Variants in BTG4 observed in about 807,000 individuals in gnomAD.
The protein encoded by BTG4 is protein BTG4.
In BTG4, 10 loss-of-function variants were observed where a neutral mutation model predicts 19.3. That is an observed-to-expected ratio of 0.52 (90% CI 0.32 to 0.88). The LOEUF is 0.88. Ranked by LOEUF, BTG4 falls within the 40% of genes least tolerant of loss-of-function variation. The probability of loss-of-function intolerance (pLI) is 0.04; values close to 1 mark genes in which losing one functional copy is unlikely to be tolerated. For missense variants in BTG4, 238 were observed against 281.9 expected (o/e 0.84, Z 1.11); for synonymous variants, 91 against 95.7 (o/e 0.95, Z 0.29).
At chr11:111,413,037 G>A in the BTG4 span, among the ~76,000 whole-genome samples, 4 of 152,208 alleles carry the variant, frequency 2.6e-5, no homozygotes, top group African/African-American at 9.7e-5. Flanking sequence ...GGCAGAGTCG[G>A]AGAGAAGTGC....
the BTG4 span, chr11:111,449,194 T>G: frequency 6.6e-6 from 1 of 152,132 alleles, no homozygotes. Flanking sequence ...TGTTTATTGC[T>G]CATTTCCCCG....
chr11:111,400,877 A>T, the BTG4 span: 1 of 152,072 alleles, frequency 6.6e-6, no homozygotes, highest in Non-Finnish European at 1.5e-5. Context: ...CCCCAGAATA[A>T]CCATAAGACA....
At chr11:111,509,436 T>C (rs1198210833) in intron 1 of BTG4, among the ~76,000 whole-genome samples, 2 of 152,106 alleles carry the variant, frequency 1.3e-5, no homozygotes, top group Non-Finnish European at 2.9e-5. Flanking sequence ...ACTCCTGTAA[T>C]GCTAGCACTG....
the BTG4 span, among the ~76,000 whole-genome samples, chr11:111,453,880 T>C: frequency 3.3e-5 from 5 of 152,238 alleles, no homozygotes; most frequent in African/African-American, 1.2e-4. Context: ...GAGGAGCAAG[T>C]TGCAGAAGGT....
intron 1 of BTG4, among the ~76,000 whole-genome samples, chr11:111,507,073 T>TA (rs546980206): frequency 2.7e-3 from 388 of 144,298 alleles, no homozygotes; most frequent in African/African-American, 8.6e-3. Flanking sequence ...TTTCCCACTT[T>TA]AAAAAAAAAA....
At chr11:111,442,545 C>CACACACA in the BTG4 span, among the ~76,000 whole-genome samples, 3 of 146,288 alleles carry the variant, frequency 2.1e-5, no homozygotes, top group Admixed American at 6.8e-5. Context: ...CACACACACA[C>CACACACA]CAGATGAGCC....
chr11:111,496,674 AT>A (rs1865751514), intron 4 of BTG4: 1 of 152,620 alleles, frequency 6.6e-6, no homozygotes, highest in Non-Finnish European at 1.5e-5. Context: ...AATGAATTTA[AT>A]TGGAAGTATT....
At chr11:111,428,329 G>C in the BTG4 span, among the ~76,000 whole-genome samples, 1 of 151,512 alleles carries the variant, frequency 6.6e-6, no homozygotes, top group African/African-American at 2.4e-5. Flanking sequence ...ACGTCACAAA[G>C]AAAAGTCCCC....
At chr11:111,434,690 G>A in the BTG4 span, among the ~76,000 whole-genome samples, 2 of 150,342 alleles carry the variant, frequency 1.3e-5, no homozygotes, top group African/African-American at 2.5e-5. Context: ...ACAATAAATA[G>A]TATAATAATT....
intron 5 of BTG4, among the ~76,000 whole-genome samples, chr11:111,474,786 T>G (rs1864301204): frequency 6.6e-6 from 1 of 152,310 alleles, no homozygotes; most frequent in Non-Finnish European, 1.5e-5. Flanking sequence ...CTGGTTGCTT[T>G]CCATTTCTAT....
chr11:111,435,424 C>A, the BTG4 span, among the ~76,000 whole-genome samples: 3 of 152,178 alleles, frequency 2.0e-5, no homozygotes, highest in Non-Finnish European at 2.9e-5. Flanking sequence ...CTGCACCCTG[C>A]CCTGGGGAGG....
At chr11:111,502,926 C>T (rs1866195428) in intron 1 of BTG4, among the ~76,000 whole-genome samples, 3 of 152,174 alleles carry the variant, frequency 2.0e-5, no homozygotes, top group Non-Finnish European at 1.5e-5. Flanking sequence ...GGTTTCCTTC[C>T]GTTACTTGTT....
chr11:111,411,536 C>T, the BTG4 span, among the ~76,000 whole-genome samples: 3 of 152,300 alleles, frequency 2.0e-5, no homozygotes, highest in East Asian at 1.9e-4. Flanking sequence ...CCTTAACGTG[C>T]TTTCTTTTCC....
the BTG4 span, among the ~76,000 whole-genome samples, chr11:111,450,150 G>A: frequency 3.9e-5 from 6 of 152,160 alleles, no homozygotes; most frequent in East Asian, 1.9e-4. Flanking sequence ...TGTCCAAGAG[G>A]TCATGACTCC....
chr11:111,411,317 C>T, the BTG4 span, among the ~76,000 whole-genome samples: 2 of 152,128 alleles, frequency 1.3e-5, no homozygotes, highest in Non-Finnish European at 2.9e-5. Flanking sequence ...GGCACACTGA[C>T]CCCCTTGCCG....
the BTG4 span, among the ~76,000 whole-genome samples, chr11:111,391,214 A>G: frequency 6.6e-5 from 10 of 152,172 alleles, no homozygotes; most frequent in Non-Finnish European, 1.2e-4. Context: ...ATCAAGCCCC[A>G]GGGACCCTAT....
chr11:111,429,728 A>T, the BTG4 span, among the ~76,000 whole-genome samples: 8 of 152,256 alleles, frequency 5.3e-5, no homozygotes, highest in African/African-American at 9.6e-5. Flanking sequence ...GAAGTTCTGT[A>T]GCAACTGCTA....
At chr11:111,408,533 G>A in the BTG4 span, among the ~76,000 whole-genome samples, 1 of 152,216 alleles carries the variant, frequency 6.6e-6, no homozygotes, top group Non-Finnish European at 1.5e-5. Flanking sequence ...CACCATTCAA[G>A]AGAGGGTTTC....
chr11:111,513,280 C>T (rs570091023), upstream of BTG4, among the ~76,000 whole-genome samples: 8 of 152,372 alleles, frequency 5.3e-5, no homozygotes, highest in African/African-American at 1.7e-4. Flanking sequence ...ATCCATGTAA[C>T]GGTTAATACT....
Sources: gnomAD v4.1 joint callset for allele counts (sites outside exome capture counted in the v4.1 genomes callset) on GRCh38, gnomAD v4.1.1 for gene constraint, MANE v1.5 for transcripts, NCBI Gene and HGNC (gene_info 2026-07-23, HGNC 2026-07-21) for gene names.